The following PCDHA5 variants were observed in gnomAD, a reference collection of about 807,000 sequenced individuals.
The protein encoded by PCDHA5 is protocadherin alpha-5.
A neutral mutation model predicts 61.6 loss-of-function variants in PCDHA5; 43 were observed. The observed-to-expected ratio is 0.70, with a 90% CI of 0.55 to 0.90. PCDHA5 has a LOEUF of 0.90. Among genes scored for constraint, PCDHA5 ranks in the 40% least tolerant of loss-of-function variants. The pLI is 0.00. For missense variants in PCDHA5, 1,298 were observed against 1,222.7 expected, an observed-to-expected ratio of 1.06 and a Z score of -0.92; for synonymous variants, 627 against 543.9, an observed-to-expected ratio of 1.15 and a Z score of -2.13.
chr5:140,834,220 A>T (rs4151685), intron 1 of PCDHA5: 3 of 685,996 alleles, frequency 4.4e-6, no homozygotes, highest in Non-Finnish European at 7.2e-6. Context: ...CGTAATCAGC[A>T]AAAGGAAGTC....
intron 1 of PCDHA5, chr5:140,834,626 T>G: frequency 6.2e-7 from 1 of 1,614,168 alleles, no homozygotes; most frequent in East Asian, 2.2e-5. Context: ...ATCTGCAGAA[T>G]GGCATTTTGT....
chr5:140,958,077 A>G (rs2095408004), intron 1 of PCDHA5, among the ~76,000 whole-genome samples: 2 of 152,124 alleles, frequency 1.3e-5, no homozygotes, highest in South Asian at 4.1e-4. Flanking sequence ...AGAAGCAAAA[A>G]GTAAAGTTGT....
At chr5:140,997,884 C>G (rs2097789340) in intron 3 of PCDHA5, among the ~76,000 whole-genome samples, 1 of 152,076 alleles carries the variant, frequency 6.6e-6, no homozygotes, top group African/African-American at 2.4e-5. Context: ...AGTATTTATA[C>G]AGGATAAATT....
intron 1 of PCDHA5, among the ~76,000 whole-genome samples, chr5:140,895,314 G>A (rs2064960648): frequency 6.6e-6 from 1 of 151,858 alleles, no homozygotes; most frequent in Non-Finnish European, 1.5e-5. Context: ...TTCCACCCAT[G>A]ACTATTGTTC....
At chr5:140,941,194 T>TTTCTTC (rs2092780236) in intron 1 of PCDHA5, among the ~76,000 whole-genome samples, 5 of 112,438 alleles carry the variant, frequency 4.4e-5, no homozygotes, top group African/African-American at 1.8e-4. Flanking sequence ...TCTTTTTTTT[T>TTTCTTC]CTTTCTTCCT....
intron 1 of PCDHA5, chr5:140,836,883 T>C (rs2150270944): frequency 6.1e-6 from 4 of 659,750 alleles, no homozygotes; most frequent in Non-Finnish European, 9.8e-6. Flanking sequence ...TTTGCACTAA[T>C]TATTTGGAAG....
intron 1 of PCDHA5, chr5:140,857,788 GCTGCGGTCGGTGGTTGCGGGT>G: frequency 6.3e-7 from 1 of 1,597,732 alleles, no homozygotes; most frequent in South Asian, 1.1e-5. Flanking sequence ...GTGAGCTGGT[GCTGCGGTCGGTGGTTGCGGGT>G]CACGTGGTGG....
At chr5:140,842,290 G>A (rs2150333533) in intron 1 of PCDHA5, 1 of 1,610,202 alleles carries the variant, frequency 6.2e-7, no homozygotes, top group South Asian at 1.1e-5. Flanking sequence ...TTGACGCCAC[G>A]GACAAAGGCC....
chr5:140,941,828 A>T (rs2093176954), intron 1 of PCDHA5, among the ~76,000 whole-genome samples: 1 of 152,218 alleles, frequency 6.6e-6, no homozygotes, highest in Non-Finnish European at 1.5e-5. Flanking sequence ...TGCTGTAAAT[A>T]ATTTAGGCTG....
intron 1 of PCDHA5, among the ~76,000 whole-genome samples, chr5:140,888,383 C>T (rs1279773489): frequency 3.9e-5 from 6 of 152,170 alleles, no homozygotes; most frequent in African/African-American, 1.4e-4. Flanking sequence ...CTCTGAGATG[C>T]TGCTAAACAC....
intron 1 of PCDHA5, among the ~76,000 whole-genome samples, chr5:140,911,178 G>A (rs1227283843): frequency 1.3e-5 from 2 of 152,196 alleles, no homozygotes; most frequent in Non-Finnish European, 2.9e-5. Flanking sequence ...TGATGGCAGT[G>A]TGGGTTGGGG....
chr5:140,876,286 G>C (rs782471001), intron 1 of PCDHA5: 14 of 1,614,040 alleles, frequency 8.7e-6, no homozygotes, highest in Non-Finnish European at 1.0e-5. Context: ...TCCAGACGAA[G>C]GACTTAATGG....
intron 1 of PCDHA5, chr5:140,871,453 G>A (rs1554165628): frequency 6.2e-7 from 1 of 1,607,586 alleles, no homozygotes; most frequent in Non-Finnish European, 8.5e-7. Flanking sequence ...TAAAGAGGAG[G>A]AAGGGGAAAG....
At chr5:140,975,154 G>C (rs73268051) in intron 1 of PCDHA5, among the ~76,000 whole-genome samples, 1,571 of 152,266 alleles carry the variant, frequency 0.01, 23 homozygotes, top group African/African-American at 0.036. Flanking sequence ...TCAGTTCCTA[G>C]AGAACTGAGG....
At chr5:140,993,917 A>G (rs779939413) in intron 3 of PCDHA5, among the ~76,000 whole-genome samples, 1 of 152,190 alleles carries the variant, frequency 6.6e-6, no homozygotes, top group Admixed American at 6.5e-5. Flanking sequence ...CTAGTGATGC[A>G]TTTCTCAGAA....
In PCDHA5 at chr5:140,830,099, G is replaced by A. The variant is rs2150181082; in HGVS notation, c.2352+5972G>A. On this transcript the variant is annotated intron_variant, in intron 1 of 3. Transcript: ENST00000529859. ...GACGGCCACGGTTCTGGTGTCGCTG[G>A]TGGAGAGTGGCCAGGCTCCAAAGGC... 6 of 1,613,520 alleles carry A rather than the reference G, an allele frequency of 3.7e-6. No homozygotes were observed. In the African/African-American group the frequency reaches 4.0e-5, roughly 11 times the overall value.
Position 140,821,861 on chromosome 5 carries a change from A to G in PCDHA5, c.86A>G (p.Gln29Arg), listed in dbSNP as rs2150111284. The change falls in exon 1 of 4, where the codon CAG becomes CGG. Residue 29 changes from glutamine (Q) to arginine (R), a missense_variant. Gln to Arg is a conservative substitution (Grantham distance 43). Transcript: ENST00000529859. ...LLAYWKAGSGQLHYSIPEEAK... is the reference protein window; with the variant it reads ...LLAYWKAGSGRLHYSIPEEAK... ...GCCTACTGGAAGGCAGGGAGCGGCC[A>G]GCTCCACTACTCGATCCCGGAGGAA... 1.2e-6 allele frequency: 2 copies of G among 1,614,204 alleles called. No homozygotes were observed. Among genetic ancestry groups the G allele is most frequent in the South Asian group, 2.2e-5 (2 of 91,078 alleles).
At chr5:140,863,749 G>C (rs1346198553) in intron 1 of PCDHA5, 1 of 245,376 alleles carries the variant, frequency 4.1e-6, no homozygotes, top group Non-Finnish European at 8.0e-6. Flanking sequence ...TTGTAATCCC[G>C]GCACTTTGGG....
intron 1 of PCDHA5, chr5:140,870,624 G>T (rs1554164487): frequency 1.2e-6 from 2 of 1,613,112 alleles, no homozygotes; most frequent in South Asian, 2.2e-5. Flanking sequence ...CGAGCTACGT[G>T]TCGGTGCACG....
Sources: gnomAD v4.1 joint callset for allele counts (sites outside exome capture counted in the v4.1 genomes callset) on GRCh38, gnomAD v4.1.1 for gene constraint, MANE v1.5 for transcripts, NCBI Gene and HGNC (gene_info 2026-07-23, HGNC 2026-07-21) for gene names.